Variants in NCOR1 observed in about 807,000 individuals in gnomAD.
The protein encoded by NCOR1 is nuclear receptor corepressor 1, also known as protein phosphatase 1, regulatory subunit 109.
In NCOR1, 63 loss-of-function variants were observed where a neutral mutation model predicts 288.1. The observed-to-expected ratio is 0.22, with a 90% CI of 0.18 to 0.27. The LOEUF (loss-of-function observed/expected upper bound fraction) is 0.27. NCOR1 is among the 10% of genes least tolerant of loss of function. The probability of loss-of-function intolerance (pLI) is 1.00; values close to 1 mark genes in which losing one functional copy is unlikely to be tolerated. For synonymous variants in NCOR1, 1,007 were observed against 1,065.9 expected, an observed-to-expected ratio of 0.94 and a Z score of 1.08; for missense variants, 2,397 against 3,019.2, an observed-to-expected ratio of 0.79 and a Z score of 4.83.
chr17:16,045,920 TC>T (rs2058579881), intron 42 of NCOR1, among the ~76,000 whole-genome samples: 1 of 152,060 alleles, frequency 6.6e-6, no homozygotes, highest in African/African-American at 2.4e-5. Flanking sequence ...CAAGCAATCC[TC>T]CCACCTCAGC....
At chr17:16,090,450 AC>A (rs2064997312) in intron 22 of NCOR1, among the ~76,000 whole-genome samples, 1 of 152,162 alleles carries the variant, frequency 6.6e-6, no homozygotes, top group African/African-American at 2.4e-5. Context: ...GTCCATTAAT[AC>A]CCTGTAGTGA....
At position 16,080,029 on chromosome 17, in the gene NCOR1, G is replaced by T. The variant is rs61753151; in HGVS notation, c.3436C>A (p.Arg1146=). The change falls in exon 26 of 46, where the codon CGG becomes AGG. Residue 1146 remains arginine (R), a synonymous_variant. Coordinates refer to ENST00000268712, the MANE Select transcript of NCOR1 (RefSeq NM_006311.4). ...GAAATTTTGCTGGTTGGAGTTCCCC[G>T]AGTTATACTTCCTTCTTGTATGGCT... ...AGAIQEGSIT[R]GTPTSKISVE... is the part of the protein sequence containing the mutation. 8,885 of 1,613,920 alleles carry T rather than the reference G, an allele frequency of 5.5e-3. 38 individuals are homozygous for T. Among genetic ancestry groups the T allele is most frequent in the Non-Finnish European group, 6.4e-3 (7,609 of 1,179,920 alleles).
At position 16,110,668 on chromosome 17, in the gene NCOR1, C is replaced by G. The variant is rs530486111; in HGVS notation, c.2056-1756G>C. 3.3e-5 allele frequency among the ~76,000 whole-genome samples: 5 copies of G among 152,332 alleles called. No individual in the cohort carries two copies. In the East Asian group the frequency reaches 9.6e-4, roughly 29 times the overall value. ...CTACGTTTCACCTCATATGAGCTGT[C>G]AGCCTCTCCCAGTGAGACTCCTCAG... is the stretch of plus-strand genomic sequence containing the variant. On this transcript the variant is annotated intron_variant, in intron 18 of 45. Transcript: ENST00000268712.
rs143927523 is a variant in NCOR1 at position 16,069,163 on chromosome 17, TA to T, written c.4513+1001del. Among the ~76,000 whole-genome samples the T allele has an allele frequency of 2.1e-3, 320 of 152,316 alleles. 5 individuals are homozygous for T. The highest frequency in any genetic ancestry group is 0.015 in the Admixed American group (222 of 15,296). ...TCTAATTACTAATATTTTGATACTA[TA>T]AACTTTACCACAATCAAACAAATCT... On this transcript the variant is annotated intron_variant, in intron 31 of 45. Transcript: ENST00000268712.
intron 21 of NCOR1, among the ~76,000 whole-genome samples, chr17:16,092,645 A>ATTTT (rs1278701151): frequency 1.8e-5 from 1 of 55,476 alleles, no homozygotes; most frequent in African/African-American, 8.4e-5. Flanking sequence ...GATCAGATCC[A>ATTTT]TTTATATATA....
In NCOR1 at chr17:16,194,465, C is replaced by T. The variant is rs1302858611; in HGVS notation, c.105G>A (p.Gln35=). 2 of 1,592,174 alleles carry T rather than the reference C, an allele frequency of 1.3e-6. No homozygotes were observed. The highest frequency in any genetic ancestry group is 2.2e-5 in the South Asian group (2 of 88,940). Reference sequence around the variant, plus strand: ...TTGCATACTATCTGTTCCTTACCTGCTGGTGGCGGGTGTTGGGAAATGTAT... The same window carrying T: ...TTGCATACTATCTGTTCCTTACCTGTTGGTGGCGGGTGTTGGGAAATGTAT... The part of the protein sequence containing the change: ...VQYTFPNTRH[Q]QEFAVPDYRS... The change falls in exon 2 of 46, where the codon CAG becomes CAA. Residue 35 remains glutamine, a synonymous_variant. Transcript: ENST00000268712.
Position 16,163,090 on chromosome 17 carries a change from G to T in NCOR1, c.618+1889C>A, listed in dbSNP as rs1221736771. Among the ~76,000 whole-genome samples the T allele has an allele frequency of 2.6e-5, 4 of 151,970 alleles. No individual in the cohort carries two copies. The South Asian group carries it at 6.2e-4, about 24-fold the overall frequency. Reference sequence around the variant, plus strand: ...ATAAAATGTGTAGAAGAAAACACAGGTATAAATCTGTGACCGCGAATTAGG... The same window carrying T: ...ATAAAATGTGTAGAAGAAAACACAGTTATAAATCTGTGACCGCGAATTAGG... On this transcript the variant is annotated intron_variant, in intron 5 of 45. Coordinates refer to ENST00000268712, the MANE Select transcript of NCOR1 (RefSeq NM_006311.4).
chr17:16,144,615 C>A (rs2077590181), intron 10 of NCOR1, among the ~76,000 whole-genome samples: 1 of 152,206 alleles, frequency 6.6e-6, no homozygotes, highest in African/African-American at 2.4e-5. Flanking sequence ...CCTCCACCTT[C>A]TAATAGGCCC....
chr17:16,145,754 G>A (rs968053310), intron 10 of NCOR1, among the ~76,000 whole-genome samples: 1 of 151,794 alleles, frequency 6.6e-6, no homozygotes, highest in African/African-American at 2.4e-5. Context: ...CCATCCGGGG[G>A]GTGGGGCGCC....
At chr17:16,130,227 T>C (rs913580342) in intron 14 of NCOR1, among the ~76,000 whole-genome samples, 1 of 152,206 alleles carries the variant, frequency 6.6e-6, no homozygotes, top group Non-Finnish European at 1.5e-5. Flanking sequence ...AGACCTATCA[T>C]AACAACTGCC....
chr17:16,214,960 G>A (rs2092427209), intron 1 of NCOR1, among the ~76,000 whole-genome samples: 1 of 152,198 alleles, frequency 6.6e-6, no homozygotes, highest in South Asian at 2.1e-4. Context: ...ACACTTCCAA[G>A]TCGGCCACCA....
chr17:16,095,847 CG>C (rs1294567270), intron 21 of NCOR1, among the ~76,000 whole-genome samples: 1 of 151,936 alleles, frequency 6.6e-6, no homozygotes, highest in African/African-American at 2.4e-5. Context: ...TCATTGAGAA[CG>C]GGCCATGATG....
At chr17:16,186,199 C>T (rs1023917961) in intron 3 of NCOR1, among the ~76,000 whole-genome samples, 3 of 152,054 alleles carry the variant, frequency 2.0e-5, no homozygotes, top group African/African-American at 7.3e-5. Flanking sequence ...AAAACTTCGG[C>T]GATAAAATAA....
chr17:16,137,514 A>C, intron 13 of NCOR1, 102 bp from the exon 14 acceptor site: 1 of 620,566 alleles, frequency 1.6e-6, no homozygotes, highest in Non-Finnish European at 2.6e-6. Flanking sequence ...CTGAAAGTAA[A>C]ATTAAAGAAA....
chr17:16,040,625 T>C, intron 42 of NCOR1, 131 bp from the exon 43 acceptor site: 1 of 835,320 alleles, frequency 1.2e-6, no homozygotes, highest in Non-Finnish European at 1.9e-6. Context: ...TTCTCACCCA[T>C]TAAGTGAAGA....
intron 3 of NCOR1, among the ~76,000 whole-genome samples, chr17:16,179,280 C>G (rs570268880): frequency 1.3e-5 from 2 of 151,618 alleles, no homozygotes; most frequent in South Asian, 2.1e-4. Flanking sequence ...AAAATGAAAA[C>G]GAAGAAATTA....
chr17:16,071,876 A>G (rs1778687816), intron 29 of NCOR1, among the ~76,000 whole-genome samples: 1 of 152,208 alleles, frequency 6.6e-6, no homozygotes, highest in African/African-American at 2.4e-5. Context: ...TTATTTCTTT[A>G]GGGTTGCTTG....
intron 9 of NCOR1, among the ~76,000 whole-genome samples, chr17:16,148,599 ATTACTTGGAAAGG>A (rs1049619689): frequency 1.5e-5 from 2 of 137,916 alleles, no homozygotes; most frequent in African/African-American, 5.2e-5. Context: ...TTACAACAAA[ATTACTTGGAAAGG>A]AAAAAAAAAT....
chr17:16,074,614 A>G (rs1388820039), intron 27 of NCOR1, among the ~76,000 whole-genome samples: 2 of 152,206 alleles, frequency 1.3e-5, no homozygotes, highest in Admixed American at 6.5e-5. Flanking sequence ...CACATACTTT[A>G]TTTCTTTGTA....
Sources: gnomAD v4.1 joint callset for allele counts (sites outside exome capture counted in the v4.1 genomes callset) on GRCh38, gnomAD v4.1.1 for gene constraint, MANE v1.5 for transcripts, NCBI Gene and HGNC (gene_info 2026-07-23, HGNC 2026-07-21) for gene names.